Variants in PPIH observed in about 807,000 individuals in gnomAD.
PPIH encodes peptidylprolyl isomerase H.
Under a neutral mutation model 27.6 loss-of-function variants are expected in PPIH, and 16 were observed. The observed-to-expected ratio is 0.58, with a 90% CI of 0.39 to 0.88. The LOEUF is 0.88. PPIH is among the 40% of genes least tolerant of loss of function. The pLI, the probability that PPIH is intolerant of heterozygous loss-of-function variation, is 0.00. For synonymous variants in PPIH, 63 were observed against 76.1 expected (o/e 0.83, Z 0.90); for missense variants, 155 against 224.1 (o/e 0.69, Z 1.97).
chr1:42,673,068 C>G (rs958882170), intron 9 of PPIH, among the ~76,000 whole-genome samples: 2 of 152,166 alleles, frequency 1.3e-5, no homozygotes, highest in Admixed American at 6.5e-5. Context: ...AGTCACAGCT[C>G]ACTGCAGCCT....
At position 42,658,861 on chromosome 1, in the gene PPIH, G is replaced by A; in HGVS notation, c.84G>A (p.Lys28=). 1 of 1,614,268 alleles carries A rather than the reference G, an allele frequency of 6.2e-7. No homozygotes were observed. Residue 28 remains lysine (K), a synonymous_variant, in exon 2 of 10, where the codon AAG becomes AAA. Transcript: ENST00000304979. The stretch of plus-strand genomic sequence containing the variant: ...GATTGCAGGAAGTTGGCCGCATGAA[G>A]ATCGAGCTCTTTGCAGACGTTGTGC... The part of the protein sequence containing the change: ...SIGGQEVGRM[K]IELFADVVPK...
At chr1:42,674,484 T>G (rs1260837947) in intron 9 of PPIH, among the ~76,000 whole-genome samples, 2 of 152,230 alleles carry the variant, frequency 1.3e-5, no homozygotes, top group Non-Finnish European at 2.9e-5. Flanking sequence ...CATATGTTAT[T>G]CTGAGGGCAG....
chr1:42,658,549 G>A (rs3820545), intron 1 of PPIH, 37 bp downstream of exon 1: 180,727 of 1,591,116 alleles, frequency 0.11, 12,176 homozygotes, highest in East Asian at 0.27. Context: ...TGCGCCGAAG[G>A]GAAACTGCTC....
intron 9 of PPIH, among the ~76,000 whole-genome samples, chr1:42,671,874 T>C (rs959954832): frequency 7.2e-5 from 10 of 139,604 alleles, no homozygotes; most frequent in African/African-American, 1.4e-4. Flanking sequence ...TTGGGCAGTA[T>C]TTCTTTCTTT....
chr1:42,666,694 G>A, intron 8 of PPIH, 107 bp downstream of exon 8: 2 of 1,156,056 alleles, frequency 1.7e-6, no homozygotes, highest in Non-Finnish European at 1.3e-6. Flanking sequence ...TTGTTAGGCT[G>A]TCTTCATTGC....
downstream of PPIH, among the ~76,000 whole-genome samples, chr1:42,677,825 T>C (rs1163355806): frequency 6.6e-6 from 1 of 152,178 alleles, no homozygotes; most frequent in Non-Finnish European, 1.5e-5. Context: ...ACCCCATCTA[T>C]TTTGAAGAGG....
chr1:42,666,141 A>C (rs755556283), intron 7 of PPIH, 74 bp downstream of exon 7: 12 of 1,400,642 alleles, frequency 8.6e-6, no homozygotes, highest in Non-Finnish European at 1.2e-5. Context: ...TTAGTTCTCA[A>C]ACTCTTACCA....
At chr1:42,661,291 C>T (rs113027562) in intron 5 of PPIH, among the ~76,000 whole-genome samples, 10 of 152,164 alleles carry the variant, frequency 6.6e-5, no homozygotes, top group African/African-American at 2.2e-4. Flanking sequence ...TTCTAGTGGG[C>T]TAAATGCTTG....
downstream of PPIH, chr1:42,681,548 T>A (rs1005251716): frequency 2.6e-5 from 4 of 152,204 alleles, no homozygotes; most frequent in Non-Finnish European, 2.9e-5. Flanking sequence ...CTCAATTTTA[T>A]CGTTTGTGAA....
Position 42,665,582 on chromosome 1 carries a change from G to A in PPIH, c.337-398G>A, listed in dbSNP as rs1326791201. 4.6e-5 allele frequency among the ~76,000 whole-genome samples: 7 copies of A among 152,230 alleles called. No homozygotes were observed. In the South Asian group the frequency reaches 1.5e-3, roughly 32 times the overall value. ...TAGCTGGGTGTGGTGGCTCACACCTGTAATCCCAGCACTTTGGGGAGGCCG... is the reference window on the plus strand; with the variant it reads ...TAGCTGGGTGTGGTGGCTCACACCTATAATCCCAGCACTTTGGGGAGGCCG... On this transcript the variant is annotated intron_variant, in intron 6 of 9. Transcript: ENST00000304979.
intron 9 of PPIH, among the ~76,000 whole-genome samples, chr1:42,670,937 A>C (rs946261311): frequency 5.3e-5 from 8 of 152,152 alleles, no homozygotes; most frequent in African/African-American, 1.9e-4. Context: ...CTGGGATTAC[A>C]GGCGCACGCT....
chr1:42,676,312 A>G (rs1211349585), intron 9 of PPIH, among the ~76,000 whole-genome samples: 1 of 152,100 alleles, frequency 6.6e-6, no homozygotes, highest in Non-Finnish European at 1.5e-5. Flanking sequence ...TACTAAAAAT[A>G]CAAAAATTGG....
At chr1:42,679,781 T>C (rs1394239659), downstream of PPIH, among the ~76,000 whole-genome samples, 1 of 152,224 alleles carries the variant, frequency 6.6e-6, no homozygotes, top group African/African-American at 2.4e-5. Flanking sequence ...GACTGCCTTT[T>C]GGGGAAACAT....
chr1:42,674,185 G>C (rs1428922556), intron 9 of PPIH, among the ~76,000 whole-genome samples: 3 of 152,244 alleles, frequency 2.0e-5, no homozygotes, highest in African/African-American at 4.8e-5. Context: ...GGTGAGGAAA[G>C]CATAAATGCC....
At chr1:42,678,139 G>C (rs1184245952), downstream of PPIH, among the ~76,000 whole-genome samples, 2 of 152,182 alleles carry the variant, frequency 1.3e-5, no homozygotes, top group African/African-American at 4.8e-5. Context: ...TAGTGGAGGA[G>C]AGATTTTTAA....
At chr1:42,661,898 C>T (rs1649044723) in intron 5 of PPIH, among the ~76,000 whole-genome samples, 1 of 152,120 alleles carries the variant, frequency 6.6e-6, no homozygotes, top group African/African-American at 2.4e-5. Flanking sequence ...GCTGGGCCTG[C>T]ATTTCTCACA....
At chr1:42,662,911 C>T (rs544784202) in intron 5 of PPIH, among the ~76,000 whole-genome samples, 1 of 152,192 alleles carries the variant, frequency 6.6e-6, no homozygotes, top group South Asian at 2.1e-4. Flanking sequence ...TCCATATTTT[C>T]CCTTGTCGTT....
chr1:42,660,452 C>T lies in PPIH; in HGVS notation c.201-410C>T, dbSNP rs1183087753. Among the ~76,000 whole-genome samples, 4 of 152,056 alleles carry T rather than the reference C, an allele frequency of 2.6e-5. No individual in the cohort carries two copies. The East Asian group carries it at 7.7e-4, about 29-fold the overall frequency. On this transcript the variant is annotated intron_variant, in intron 4 of 9. Coordinates refer to ENST00000304979, the MANE Select transcript of PPIH (RefSeq NM_006347.4). ...TTTGTTTTGTTTTGTTTTTTTGAGA[C>T]AGAGTCCCACTCTGTCGCCCAGGCT...
intron 9 of PPIH, 133 bp from the exon 10 acceptor site, chr1:42,676,451 G>A: frequency 6.6e-6 from 1 of 152,008 alleles, no homozygotes; most frequent in South Asian, 2.1e-4. Flanking sequence ...CTGGGCAACA[G>A]AATGGGACTC....
Sources: allele counts gnomAD v4.1 joint callset (sites outside exome capture counted in the v4.1 genomes callset), GRCh38; gene constraint gnomAD v4.1.1; transcripts MANE v1.5; gene names NCBI Gene and HGNC (gene_info 2026-07-23, HGNC 2026-07-21).